BIRC2: variants seen among roughly 807,000 people sequenced by gnomAD.
BIRC2 encodes baculoviral IAP repeat containing 2, also known as baculoviral IAP repeat-containing protein 2.
BIRC2 carries 18 observed loss-of-function variants against 60.9 expected under a neutral mutation model. The ratio of observed to expected loss-of-function variants is 0.30; its 90% CI spans 0.20 to 0.44. The LOEUF is 0.44. Ranked by LOEUF, BIRC2 falls within the 20% of genes least tolerant of loss-of-function variation. The pLI is 1.00. For synonymous variants in BIRC2, 282 were observed against 247.7 expected, an observed-to-expected ratio of 1.14 and a Z score of -1.30; for missense variants, 701 against 728.5, an observed-to-expected ratio of 0.96 and a Z score of 0.43.
At chr11:102,362,688 G>T in intron 3 of BIRC2, 6 of 425,406 alleles carry the variant, frequency 1.4e-5, no homozygotes, top group Admixed American at 3.7e-5. Flanking sequence ...GATTGAATTA[G>T]AAAATACCGT....
At chr11:102,364,225 C>T (rs1358501826) in intron 5 of BIRC2, among the ~76,000 whole-genome samples, 1 of 136,874 alleles carries the variant, frequency 7.3e-6, no homozygotes, top group African/African-American at 2.8e-5. Flanking sequence ...AGTGTAATGA[C>T]ACTGTGGAGG....
At position 102,349,475 on chromosome 11, in the gene BIRC2, C is replaced by T. The variant is rs1951327933; in HGVS notation, c.-380C>T. On this transcript the variant is annotated 5_prime_UTR_variant, in exon 2 of 9. Transcript: ENST00000227758. The stretch of plus-strand genomic sequence containing the variant: ...CTTGTAACCAAATATAAATAAAAGG[C>T]ATAATTTAGGTATTCTATAGTTGCT... 6.3e-6 allele frequency: 1 copy of T among 158,662 alleles called. No individual in the cohort carries two copies. Among genetic ancestry groups the T allele is most frequent in the Non-Finnish European group, 1.4e-5 (1 of 72,472 alleles). The allele number at this position is 158,662 out of a possible 1,614,324, so 9.8% of individuals were successfully genotyped here. A position where few individuals can be genotyped will look rare whatever the true frequency, so the allele number is the denominator to read the frequency against.
intron 6 of BIRC2, among the ~76,000 whole-genome samples, chr11:102,369,419 G>C (rs1395702859): frequency 6.7e-6 from 1 of 150,002 alleles, no homozygotes. Flanking sequence ...GCGGTGTTTG[G>C]TTTTTCGTTC....
intron 3 of BIRC2, among the ~76,000 whole-genome samples, chr11:102,360,524 G>A (rs1951473564): frequency 6.6e-6 from 1 of 150,882 alleles, no homozygotes; most frequent in Admixed American, 6.6e-5. Flanking sequence ...TTTCTCATTT[G>A]TTTGTATATA....
chr11:102,375,918 A>G (rs1320004601), intron 6 of BIRC2, among the ~76,000 whole-genome samples: 2 of 152,042 alleles, frequency 1.3e-5, no homozygotes, highest in African/African-American at 4.8e-5. Flanking sequence ...ATTAAATGAG[A>G]TATTGCAAAT....
At chr11:102,364,311 G>A (rs1234568620) in intron 5 of BIRC2, among the ~76,000 whole-genome samples, 1 of 150,966 alleles carries the variant, frequency 6.6e-6, no homozygotes, top group African/African-American at 2.4e-5. Flanking sequence ...CTGGAGAAAT[G>A]AGACATAAGC....
chr11:102,364,139 T>TTATTTATATATA (rs1555048337), intron 5 of BIRC2, among the ~76,000 whole-genome samples: 1 of 61,418 alleles, frequency 1.6e-5, no homozygotes, highest in African/African-American at 7.8e-5. Context: ...CTAATAAATA[T>TTATTTATATATA]TATATATATA....
At chr11:102,376,734 A>C (rs1049086535) in intron 6 of BIRC2, among the ~76,000 whole-genome samples, 1 of 152,244 alleles carries the variant, frequency 6.6e-6, no homozygotes, top group African/African-American at 2.4e-5. Flanking sequence ...AAACATAGAC[A>C]TTTATAAAAT....
rs1209894874 is a variant in BIRC2 at position 102,377,496 on chromosome 11, A to T, written c.1367A>T (p.Asp456Val). ...ATTTCTTTTTCTTTTTTTAATGAAGATGATTTGTCATTAATTCGGAAGAAC... is the reference window on the plus strand; with the variant it reads ...ATTTCTTTTTCTTTTTTTAATGAAGTTGATTTGTCATTAATTCGGAAGAAC... ...KEKQAEEMAS[D>V]DLSLIRKNRM... The change falls in exon 7 of 9, where the codon GAT (aspartate) becomes GTT (valine). Residue 456 changes from aspartate to valine, a missense_variant and splice_region_variant. Around this residue, in one of 4 missense-constraint regions of BIRC2, gnomAD observed 235 missense variants for 208.9 expected, o/e 1.12. Coordinates refer to ENST00000227758, the MANE Select transcript of BIRC2 (RefSeq NM_001166.5). 1.3e-6 allele frequency: 2 copies of T among 1,586,312 alleles called. No homozygotes were observed. The highest frequency in any genetic ancestry group is 1.9e-5 in the Admixed American group (1 of 51,656).
chr11:102,361,892 T>A (rs2135812823), intron 3 of BIRC2, among the ~76,000 whole-genome samples: 1 of 151,886 alleles, frequency 6.6e-6, no homozygotes, highest in East Asian at 1.9e-4. Flanking sequence ...TAGTGAGTTC[T>A]TCCAGAGCTG....
rs150668897 is a variant in BIRC2 at position 102,378,148 on chromosome 11, A to G, written c.1822A>G (p.Ile608Val). 1.9e-6 allele frequency: 3 copies of G among 1,612,132 alleles called. No homozygotes were observed. Among genetic ancestry groups the G allele is most frequent in the African/African-American group, 1.3e-5 (1 of 74,818 alleles). ...AAGAAAATGCCCTATTTGCAGGGGT[A>G]TAATCAAGGGTACTGTTCGTACATT... ...SLRKCPICRG[I>V]IKGTVRTFLS The change falls in exon 9 of 9, where the codon ATA (isoleucine) becomes GTA (valine). Residue 608 changes from isoleucine to valine, a missense_variant. Ile to Val is a conservative substitution (Grantham distance 29, BLOSUM62 3). Around this residue, in one of 4 missense-constraint regions of BIRC2, gnomAD observed 52 missense variants for 83.9 expected, o/e 0.62. Coordinates refer to ENST00000227758, the MANE Select transcript of BIRC2 (RefSeq NM_001166.5).
At chr11:102,368,622 C>T (rs1951580876) in intron 6 of BIRC2, 74 bp downstream of exon 6, 1 of 1,537,250 alleles carries the variant, frequency 6.5e-7, no homozygotes, top group African/African-American at 1.4e-5. Flanking sequence ...TTACAGGACA[C>T]CATGCTTGTT....
intron 5 of BIRC2, among the ~76,000 whole-genome samples, chr11:102,367,684 A>G (rs1196105405): frequency 1.3e-5 from 2 of 152,132 alleles, no homozygotes; most frequent in Non-Finnish European, 2.9e-5. Context: ...ATGACCTTAC[A>G]CTACTTTTTT....
chr11:102,351,491 C>T (rs759756953), intron 3 of BIRC2, among the ~76,000 whole-genome samples: 6 of 151,448 alleles, frequency 4.0e-5, no homozygotes, highest in Non-Finnish European at 7.4e-5. Flanking sequence ...GGCGCGTGGC[C>T]GTAGTCCCAG....
At chr11:102,375,696 C>T (rs1289946537) in intron 6 of BIRC2, among the ~76,000 whole-genome samples, 3 of 150,928 alleles carry the variant, frequency 2.0e-5, no homozygotes, top group Non-Finnish European at 4.4e-5. Context: ...AGGAGAATGG[C>T]GTGAACCCGG....
intron 1 of BIRC2, chr11:102,348,263 T>A (rs1193984070): frequency 6.6e-6 from 1 of 152,452 alleles, no homozygotes; most frequent in African/African-American, 2.4e-5. Flanking sequence ...TTAACCAATG[T>A]GCCTTTGCCT....
At chr11:102,355,942 T>C (rs1951414830) in intron 3 of BIRC2, among the ~76,000 whole-genome samples, 1 of 152,178 alleles carries the variant, frequency 6.6e-6, no homozygotes, top group Admixed American at 6.5e-5. Context: ...CTTTTGTAAG[T>C]TGGTTTTGTA....
intron 6 of BIRC2, among the ~76,000 whole-genome samples, chr11:102,368,757 C>T (rs995704103): frequency 6.6e-6 from 1 of 151,972 alleles, no homozygotes; most frequent in African/African-American, 2.4e-5. Context: ...CATTTATTTT[C>T]GGATGAGGTT....
At chr11:102,352,249 G>A (rs1159598749) in intron 3 of BIRC2, among the ~76,000 whole-genome samples, 1 of 151,886 alleles carries the variant, frequency 6.6e-6, no homozygotes, top group Non-Finnish European at 1.5e-5. Context: ...GAGTAGCTGG[G>A]ACTACAGGCG....
Sources: gnomAD v4.1 joint callset for allele counts (sites outside exome capture counted in the v4.1 genomes callset) on GRCh38, gnomAD v4.1.1 for gene constraint, gnomAD v4.1.1 regional missense constraint, MANE v1.5 for transcripts, NCBI Gene and HGNC (gene_info 2026-07-23, HGNC 2026-07-21) for gene names.